The following CERS6 variants were observed in gnomAD, a reference collection of about 807,000 sequenced individuals.
The protein encoded by CERS6 is LAG1 homolog, ceramide synthase 6.
CERS6 carries 26 observed loss-of-function variants against 56.8 expected under a neutral mutation model. That is an observed-to-expected ratio of 0.46 (90% CI 0.34 to 0.63). The LOEUF is 0.63. Among genes scored for constraint, CERS6 ranks in the 30% least tolerant of loss-of-function variants. The pLI is 0.01. For synonymous variants in CERS6, 164 were observed against 173.3 expected (o/e 0.95, Z 0.42); for missense variants, 415 against 467.5 (o/e 0.89, Z 1.04).
rs755885762 is a variant in CERS6, at chr2:168,493,443, C to T, written c.170+36825C>T. Among the ~76,000 whole-genome samples the T allele has an allele frequency of 3.5e-4, 54 of 152,146 alleles. 1 individual carries two copies. Among genetic ancestry groups the T allele is most frequent in the Non-Finnish European group, 6.5e-4 (44 of 68,020 alleles). ...CCCAGGGTTGAAGAGCTAATAAACA[C>T]GGAAGCTGAGGCAGTCTGAGTCCAG... On this transcript the variant is annotated intron_variant, in intron 1 of 9. Transcript: ENST00000305747.
chr2:168,652,608 TTG>T (rs1685372206), intron 4 of CERS6, among the ~76,000 whole-genome samples: 2 of 150,886 alleles, frequency 1.3e-5, no homozygotes, highest in African/African-American at 4.9e-5. Context: ...TAATGAATTG[TTG>T]TTTTTTTTTT....
chr2:168,658,112 C>T (rs983451002), intron 4 of CERS6, among the ~76,000 whole-genome samples: 2 of 152,204 alleles, frequency 1.3e-5, no homozygotes, highest in African/African-American at 4.8e-5. Context: ...ATTACCTAAA[C>T]TTCTCTGTGC....
Position 168,677,139 on chromosome 2 carries a change from A to G in CERS6, c.466-13895A>G, listed in dbSNP as rs569569913. 2.0e-5 allele frequency among the ~76,000 whole-genome samples: 3 copies of G among 151,612 alleles called. No homozygotes were observed. The East Asian group carries it at 5.9e-4, about 30-fold the overall frequency. On this transcript the variant is annotated intron_variant, in intron 4 of 9. Transcript: ENST00000305747. ...CACCCATCAACCCATCATCTACATT[A>G]GGTATTTCTCCTGACGCTATCCCTC... is the stretch of plus-strand genomic sequence containing the variant.
intron 3 of CERS6, among the ~76,000 whole-genome samples, chr2:168,565,676 GC>G (rs1227455235): frequency 2.0e-5 from 3 of 152,206 alleles, no homozygotes; most frequent in African/African-American, 7.2e-5. Flanking sequence ...CACATTACAT[GC>G]AGATGGAATG....
At chr2:168,457,542 T>C (rs1273211301) in intron 1 of CERS6, among the ~76,000 whole-genome samples, 3 of 151,430 alleles carry the variant, frequency 2.0e-5, no homozygotes, top group African/African-American at 7.3e-5. Context: ...AGCAGCACAC[T>C]TTTTTTTTCG....
Position 168,717,852 on chromosome 2 carries a change from C to T in CERS6, c.739-20C>T. 6.4e-7 allele frequency: 1 copy of T among 1,566,342 alleles called. No individual in the cohort carries two copies. On this transcript the variant is annotated intron_variant, in intron 7 of 9. Transcript: ENST00000305747. Reference sequence around the variant, plus strand: ...TATCAGTTTAACTACATTAATATATCACATTCCTTTCTTTCATAGGCTGCC... The same window carrying T: ...TATCAGTTTAACTACATTAATATATTACATTCCTTTCTTTCATAGGCTGCC...
At chr2:168,760,041 C>T (rs993844945) in intron 8 of CERS6, among the ~76,000 whole-genome samples, 4 of 152,070 alleles carry the variant, frequency 2.6e-5, no homozygotes, top group East Asian at 1.9e-4. Context: ...GTATAACCCA[C>T]GTGATCATCA....
rs559458048 is a variant in CERS6, at chr2:168,466,433, C to T, written c.170+9815C>T. Among the ~76,000 whole-genome samples, 7 of 152,292 alleles carry T rather than the reference C, an allele frequency of 4.6e-5. No individual in the cohort carries two copies. The South Asian group carries it at 1.5e-3, about 32-fold the overall frequency. On this transcript the variant is annotated intron_variant, in intron 1 of 9. Coordinates refer to ENST00000305747, the MANE Select transcript of CERS6 (RefSeq NM_203463.3). ...CTCTGGGTGAGTGAAGATCAGATTT[C>T]ATCTTCCTCCCTAGCTTTCAGTTTA...
intron 4 of CERS6, among the ~76,000 whole-genome samples, chr2:168,686,419 A>G (rs894763772): frequency 3.3e-4 from 49 of 146,756 alleles, no homozygotes; most frequent in Admixed American, 8.5e-4. Flanking sequence ...ATAAATGAAT[A>G]AATAAAAAGA....
At position 168,774,510 on chromosome 2, in the gene CERS6, G is replaced by A. The variant is rs538387825; in HGVS notation, c.*4848G>A. The A allele has an allele frequency of 6.6e-6, 1 of 152,240 alleles. No homozygotes were observed. The highest frequency in any genetic ancestry group is 1.9e-4 in the East Asian group (1 of 5,182). 9.4% of individuals were successfully genotyped at this position (152,240 alleles called of 1,614,324 possible). On this transcript the variant is annotated 3_prime_UTR_variant, in exon 10 of 10. Coordinates refer to ENST00000305747, the MANE Select transcript of CERS6 (RefSeq NM_203463.3). ...TCTGTTGCGTGGCCTGGAAACCAGG[G>A]AGCAGCAACTATTGAGATGGTTTCT...
At chr2:168,584,623 A>G (rs1023838288) in intron 3 of CERS6, among the ~76,000 whole-genome samples, 2 of 152,224 alleles carry the variant, frequency 1.3e-5, no homozygotes, top group East Asian at 3.8e-4. Flanking sequence ...GTCAAAACAG[A>G]TAATAGTGGG....
intron 1 of CERS6, among the ~76,000 whole-genome samples, chr2:168,522,563 C>T (rs181921884): frequency 4.3e-4 from 65 of 151,920 alleles, no homozygotes; most frequent in Non-Finnish European, 6.5e-4. Context: ...GACAGGGTCT[C>T]GCTCTGTTGC....
intron 3 of CERS6, among the ~76,000 whole-genome samples, chr2:168,629,825 T>TAAA (rs1684670420): frequency 6.6e-6 from 1 of 150,996 alleles, no homozygotes; most frequent in African/African-American, 2.4e-5. Flanking sequence ...CTTTTTTTCT[T>TAAA]TTTTTTTTGA....
chr2:168,626,901 C>T (rs1221970301), intron 3 of CERS6, among the ~76,000 whole-genome samples: 1 of 152,162 alleles, frequency 6.6e-6, no homozygotes, highest in African/African-American at 2.4e-5. Context: ...TCCCCTCCTG[C>T]AGCTTTCCAG....
intron 1 of CERS6, among the ~76,000 whole-genome samples, chr2:168,539,623 A>T (rs1000987475): frequency 6.6e-6 from 1 of 152,214 alleles, no homozygotes; most frequent in African/African-American, 2.4e-5. Context: ...GCACATGTAT[A>T]TGTCTAAACA....
rs566441742 is a variant in CERS6 at position 168,459,822 on chromosome 2, G to C, written c.170+3204G>C. ...GCCATTCTCAGGAACTATAATAAAT[G>C]CTTCTTCCAACTTCACTTTTTCAAA... On this transcript the variant is annotated intron_variant, in intron 1 of 9. Transcript: ENST00000305747. 2.0e-5 allele frequency among the ~76,000 whole-genome samples: 3 copies of C among 152,260 alleles called. No homozygotes were observed. The South Asian group carries it at 6.2e-4, about 32-fold the overall frequency.
At position 168,669,054 on chromosome 2, in the gene CERS6, ACAGT is replaced by A. The variant is rs779149173; in HGVS notation, c.466-21977_466-21974del. 4.5e-4 allele frequency among the ~76,000 whole-genome samples: 68 copies of A among 152,168 alleles called. 1 individual carries two copies. Among genetic ancestry groups the A allele is most frequent in the Non-Finnish European group, 2.9e-4 (20 of 68,024 alleles). On this transcript the variant is annotated intron_variant, in intron 4 of 9. Coordinates refer to ENST00000305747, the MANE Select transcript of CERS6 (RefSeq NM_203463.3). Reference sequence around the variant, plus strand: ...GTTAGGATTAGGTCTGGAACACCTAACAGTCAATCAGTCATAGTGGCTTAAACAA... The same window carrying A: ...GTTAGGATTAGGTCTGGAACACCTAACAATCAGTCATAGTGGCTTAAACAA...
At chr2:168,673,100 G>A (rs1685963340) in intron 4 of CERS6, among the ~76,000 whole-genome samples, 1 of 152,158 alleles carries the variant, frequency 6.6e-6, no homozygotes, top group East Asian at 1.9e-4. Flanking sequence ...TCTAATATAT[G>A]AAAGTAGCTA....
At chr2:168,525,787 C>A (rs1304494830) in intron 1 of CERS6, among the ~76,000 whole-genome samples, 1 of 152,190 alleles carries the variant, frequency 6.6e-6, no homozygotes, top group East Asian at 1.9e-4. Context: ...CATTTTATGA[C>A]CCTTCTCTGC....
Sources: allele counts gnomAD v4.1 joint callset (sites outside exome capture counted in the v4.1 genomes callset), GRCh38; gene constraint gnomAD v4.1.1; transcripts MANE v1.5; gene names NCBI Gene and HGNC (gene_info 2026-07-23, HGNC 2026-07-21).